The following PARD3B variants were observed in gnomAD, a reference collection of about 807,000 sequenced individuals.
PARD3B encodes the protein par-3 family cell polarity regulator beta.
In PARD3B, 103 loss-of-function variants were observed where a neutral mutation model predicts 130.2. That is an observed-to-expected ratio of 0.79 (90% CI 0.67 to 0.93). The LOEUF (loss-of-function observed/expected upper bound fraction) is 0.93. PARD3B is among the 40% of genes least tolerant of loss of function. The pLI, the probability that PARD3B is intolerant of heterozygous loss-of-function variation, is 0.00. For missense variants in PARD3B, 1,609 were observed against 1,499.2 expected (o/e 1.07, Z -1.21); for synonymous variants, 583 against 553.2 (o/e 1.05, Z -0.76).
In PARD3B at chr2:204,943,324, A is replaced by C. The variant is rs1341124986; in HGVS notation, c.223-21828A>C. On this transcript the variant is annotated intron_variant, in intron 2 of 22. Coordinates refer to ENST00000406610, the MANE Select transcript of PARD3B (RefSeq NM_001302769.2). This position sits in a 1 kb window ranked among gnomAD's most constrained non-coding sequence, Gnocchi z 4.2. Reference sequence around the variant, plus strand: ...TCGCATAGGTCACGAGGATCTTCCTATGACCTATGATGAGAAAGAGGTTAG... The same window carrying C: ...TCGCATAGGTCACGAGGATCTTCCTCTGACCTATGATGAGAAAGAGGTTAG... Among the ~76,000 whole-genome samples, 1 of 152,084 alleles carries C rather than the reference A, an allele frequency of 6.6e-6. No homozygotes were observed. Among genetic ancestry groups the C allele is most frequent in the Non-Finnish European group, 1.5e-5 (1 of 68,010 alleles).
rs1027664511 is a variant in PARD3B, at chr2:204,623,712, G to T, written c.121-62469G>T. The stretch of plus-strand genomic sequence containing the variant: ...GAACACATTTTAAGTATATAATACA[G>T]CAGTATTAACTATTGGCATAATGCT... On this transcript the variant is annotated intron_variant, in intron 1 of 22. Coordinates refer to ENST00000406610, the MANE Select transcript of PARD3B (RefSeq NM_001302769.2). This position sits in a 1 kb window ranked among gnomAD's most constrained non-coding sequence, Gnocchi z 4.5. 1.3e-5 allele frequency among the ~76,000 whole-genome samples: 2 copies of T among 152,114 alleles called. No homozygotes were observed. Among genetic ancestry groups the T allele is most frequent in the African/African-American group, 2.4e-5 (1 of 41,416 alleles).
chr2:204,944,321 G>A (rs758547135), intron 2 of PARD3B, among the ~76,000 whole-genome samples: 3 of 152,240 alleles, frequency 2.0e-5, no homozygotes, highest in Non-Finnish European at 2.9e-5. Flanking sequence ...GAGGGTAGGA[G>A]ATGACTCTCT....
In PARD3B at chr2:204,909,287, G is replaced by C. The variant is rs558455250; in HGVS notation, c.223-55865G>C. 2.0e-5 allele frequency among the ~76,000 whole-genome samples: 3 copies of C among 152,190 alleles called. No homozygotes were observed. In the South Asian group the frequency reaches 6.2e-4, roughly 32 times the overall value. ...AGGCATCCATTCTGTGGAAATGAAA[G>C]ACAAAATTTAAAAACAGATGCACAC... On this transcript the variant is annotated intron_variant, in intron 2 of 22. Transcript: ENST00000406610.
At chr2:204,962,666 G>A (rs1690852763) in intron 2 of PARD3B, among the ~76,000 whole-genome samples, 2 of 152,116 alleles carry the variant, frequency 1.3e-5, no homozygotes, top group Admixed American at 6.5e-5. Flanking sequence ...TAGTTAACAA[G>A]GACCTGCAAC....
At chr2:205,196,838 G>A (rs369914122) in intron 15 of PARD3B, among the ~76,000 whole-genome samples, 52 of 152,138 alleles carry the variant, frequency 3.4e-4, no homozygotes, top group African/African-American at 1.1e-3. Context: ...TCTCATGTCA[G>A]CATCACCCCA....
intron 5 of PARD3B, among the ~76,000 whole-genome samples, chr2:205,106,070 G>A (rs770866709): frequency 1.3e-5 from 2 of 151,952 alleles, no homozygotes; most frequent in Non-Finnish European, 2.9e-5. Context: ...AATTAGCCAA[G>A]CTTTCTTCAG....
intron 2 of PARD3B, among the ~76,000 whole-genome samples, chr2:204,813,395 T>C (rs2043031993): frequency 6.6e-6 from 1 of 152,146 alleles, no homozygotes; most frequent in South Asian, 2.1e-4. Context: ...ATTACTGAGT[T>C]TTCATAGTTC....
intron 2 of PARD3B, among the ~76,000 whole-genome samples, chr2:204,754,059 A>G (rs757789344): frequency 6.6e-6 from 1 of 152,114 alleles, no homozygotes; most frequent in Non-Finnish European, 1.5e-5. Context: ...GTGGCTTTCT[A>G]TTTGCCTGCT....
At chr2:204,781,117 G>A (rs538556026) in intron 2 of PARD3B, among the ~76,000 whole-genome samples, 1 of 152,186 alleles carries the variant, frequency 6.6e-6, no homozygotes, top group South Asian at 2.1e-4. Flanking sequence ...ATAATGATTT[G>A]CTTCCATGTT....
chr2:205,570,795 G>C (rs2053534420), intron 22 of PARD3B, among the ~76,000 whole-genome samples: 1 of 152,130 alleles, frequency 6.6e-6, no homozygotes, highest in Non-Finnish European at 1.5e-5. Flanking sequence ...CCCAGCTTTG[G>C]AAAAATAACA....
chr2:205,117,938 T>TACACAC (rs1366473096), intron 6 of PARD3B, among the ~76,000 whole-genome samples: 1 of 107,694 alleles, frequency 9.3e-6, no homozygotes, highest in Non-Finnish European at 2.1e-5. Flanking sequence ...CACACACACA[T>TACACAC]ACACACACAC....
chr2:204,775,225 T>C (rs73060960), intron 2 of PARD3B, among the ~76,000 whole-genome samples: 1,781 of 152,248 alleles, frequency 0.012, 31 homozygotes, highest in African/African-American at 0.04. Context: ...ATCAGGAAAT[T>C]AAGTGTACTG....
intron 20 of PARD3B, among the ~76,000 whole-genome samples, chr2:205,457,464 CA>C (rs1467244910): frequency 6.6e-6 from 1 of 151,942 alleles, no homozygotes; most frequent in African/African-American, 2.4e-5. Context: ...TTGAGCCAAA[CA>C]ATACACTGTA....
intron 2 of PARD3B, among the ~76,000 whole-genome samples, chr2:204,934,255 G>A (rs556875050): frequency 6.6e-6 from 1 of 152,328 alleles, no homozygotes; most frequent in Non-Finnish European, 1.5e-5. Flanking sequence ...AAAGGGAACA[G>A]ATACACTCTG....
intron 20 of PARD3B, among the ~76,000 whole-genome samples, chr2:205,497,141 T>C (rs1001005744): frequency 6.6e-6 from 1 of 151,602 alleles, no homozygotes; most frequent in African/African-American, 2.4e-5. Flanking sequence ...CAAAGAAAAC[T>C]TTTTTTAAGT....
intron 3 of PARD3B, among the ~76,000 whole-genome samples, chr2:204,977,075 A>T (rs1032415697): frequency 6.6e-6 from 1 of 152,186 alleles, no homozygotes; most frequent in South Asian, 2.1e-4. Flanking sequence ...CTTCAGACTT[A>T]TAAGTTAAAT....
At chr2:205,188,783 CAAAA>C (rs68034154) in intron 14 of PARD3B, among the ~76,000 whole-genome samples, 9 of 97,380 alleles carry the variant, frequency 9.2e-5, no homozygotes, top group Non-Finnish European at 1.7e-4. Flanking sequence ...TTCTGCCTTT[CAAAA>C]AAAAAAAAAA....
chr2:205,365,810 T>G (rs1390940447), intron 18 of PARD3B, among the ~76,000 whole-genome samples: 1 of 152,194 alleles, frequency 6.6e-6, no homozygotes, highest in Non-Finnish European at 1.5e-5. Context: ...TAAGATAGGC[T>G]TCAGATGAAT....
intron 13 of PARD3B, among the ~76,000 whole-genome samples, chr2:205,177,988 T>C (rs2125766034): frequency 6.6e-6 from 1 of 151,822 alleles, no homozygotes; most frequent in South Asian, 2.1e-4. Context: ...TGGAGTCCTT[T>C]CACCTACTGA....
Sources: gnomAD v4.1 joint callset for allele counts (sites outside exome capture counted in the v4.1 genomes callset) on GRCh38, gnomAD v4.1.1 for gene constraint, Gnocchi (gnomAD v3.1) non-coding constraint, MANE v1.5 for transcripts, NCBI Gene and HGNC (gene_info 2026-07-23, HGNC 2026-07-21) for gene names.